The following SLC26A7 variants were observed in gnomAD, a reference collection of about 807,000 sequenced individuals.
SLC26A7 encodes the protein anion exchange transporter.
Under a neutral mutation model 82.5 loss-of-function variants are expected in SLC26A7, and 59 were observed. That is an observed-to-expected ratio of 0.72 (90% confidence interval 0.58 to 0.89). SLC26A7 has a LOEUF of 0.89. Among genes scored for constraint, SLC26A7 ranks in the 40% least tolerant of loss-of-function variants. SLC26A7 has a pLI of 0.00. For synonymous variants in SLC26A7, 271 were observed against 274.3 expected (o/e 0.99, Z 0.12); for missense variants, 820 against 793.0 (o/e 1.03, Z -0.41).
At chr8:91,239,402 ATATATATATG>A (rs58999900) in intron 2 of SLC26A7, among the ~76,000 whole-genome samples, 2,421 of 103,334 alleles carry the variant, frequency 0.023, 118 homozygotes, top group East Asian at 0.2. Context: ...AAAAATATAT[ATATATATATG>A]TATATGTATA....
At chr8:91,272,173 AG>A (rs1231892478) in intron 2 of SLC26A7, among the ~76,000 whole-genome samples, 1 of 152,164 alleles carries the variant, frequency 6.6e-6, no homozygotes, top group Non-Finnish European at 1.5e-5. Flanking sequence ...CCTGATAGTC[AG>A]GACCTTCCTT....
chr8:91,289,282 C>A, intron 3 of SLC26A7, 36 bp downstream of exon 3: 1 of 1,485,710 alleles, frequency 6.7e-7, no homozygotes, highest in South Asian at 1.1e-5. Flanking sequence ...TAATGTTACT[C>A]GCAAAAAAGA....
At chr8:91,363,627 A>G in intron 13 of SLC26A7, 89 bp downstream of exon 13, 1 of 711,470 alleles carries the variant, frequency 1.4e-6, no homozygotes, top group Non-Finnish European at 2.2e-6. Context: ...TAGATAAATT[A>G]TGATAGTTAA....
At chr8:91,276,641 G>A (rs1347620599) in intron 2 of SLC26A7, among the ~76,000 whole-genome samples, 1 of 152,196 alleles carries the variant, frequency 6.6e-6, no homozygotes, top group Non-Finnish European at 1.5e-5. Context: ...ATGGGGGTTA[G>A]AAGCTATGTT....
Position 91,362,402 on chromosome 8 carries a change from T to C in SLC26A7, c.1364T>C (p.Val455Ala). Reference sequence around the variant, plus strand: ...TTTACAATATGCTTTGCTGCCAATGTGGGACTGCTGTTTGGTGTTGTTTGT... The same window carrying C: ...TTTACAATATGCTTTGCTGCCAATGCGGGACTGCTGTTTGGTGTTGTTTGT... ...YVFTICFAAN[V>A]GLLFGVVCTI... The change falls in exon 12 of 19, where the codon GTG (valine) becomes GCG (alanine). Residue 455 changes from valine (V) to alanine (A), a missense_variant. Coordinates refer to ENST00000276609, the MANE Select transcript of SLC26A7 (RefSeq NM_052832.4). 1 of 1,613,450 alleles carries C rather than the reference T, an allele frequency of 6.2e-7. No individual in the cohort carries two copies. Among genetic ancestry groups the C allele is most frequent in the African/African-American group, 1.3e-5 (1 of 75,032 alleles).
intron 2 of SLC26A7, among the ~76,000 whole-genome samples, chr8:91,261,202 A>G (rs1056528933): frequency 3.3e-5 from 5 of 152,102 alleles, no homozygotes; most frequent in Non-Finnish European, 7.4e-5. Flanking sequence ...TTCTTTATTC[A>G]TTTCTATTCA....
chr8:91,270,938 T>C (rs1285198947), intron 2 of SLC26A7, among the ~76,000 whole-genome samples: 1 of 152,184 alleles, frequency 6.6e-6, no homozygotes, highest in Non-Finnish European at 1.5e-5. Context: ...AGCACCACTG[T>C]CTGCAAGTAC....
At chr8:91,306,527 C>T (rs1812313388) in intron 4 of SLC26A7, among the ~76,000 whole-genome samples, 1 of 152,068 alleles carries the variant, frequency 6.6e-6, no homozygotes, top group Admixed American at 6.6e-5. Flanking sequence ...CTTTTAATAA[C>T]TTTCACTTTA....
intron 2 of SLC26A7, among the ~76,000 whole-genome samples, chr8:91,279,850 G>C: frequency 6.6e-6 from 1 of 152,266 alleles, no homozygotes; most frequent in Middle Eastern, 3.4e-3. Context: ...GAGCCACCGC[G>C]CCCAGCCGTG....
intron 10 of SLC26A7, among the ~76,000 whole-genome samples, chr8:91,352,321 T>C (rs1276914107): frequency 3.3e-5 from 5 of 152,148 alleles, no homozygotes; most frequent in Non-Finnish European, 5.9e-5. Context: ...GTGCTTCACC[T>C]TCTTCTTCAT....
intron 15 of SLC26A7, among the ~76,000 whole-genome samples, chr8:91,374,147 C>A (rs1021356158): frequency 2.0e-5 from 3 of 151,528 alleles, no homozygotes; most frequent in Admixed American, 6.6e-5. Flanking sequence ...AGCTAATAGT[C>A]TATTAATTTT....
chr8:91,211,288 T>C (rs901663166), intron 1 of SLC26A7, among the ~76,000 whole-genome samples: 2 of 152,046 alleles, frequency 1.3e-5, no homozygotes, highest in Non-Finnish European at 2.9e-5. Flanking sequence ...AAGTATATGA[T>C]AGTAAAAAAG....
intron 15 of SLC26A7, among the ~76,000 whole-genome samples, chr8:91,384,915 C>T (rs1477907888): frequency 6.6e-6 from 1 of 152,016 alleles, no homozygotes; most frequent in East Asian, 1.9e-4. Context: ...ATCTGCTTTT[C>T]AATAGTTAAT....
At position 91,318,326 on chromosome 8, in the gene SLC26A7, A is replaced by G; in HGVS notation, c.588A>G (p.Lys196=). Residue 196 remains lysine (K), a synonymous_variant, in exon 5 of 19, where the codon AAA becomes AAG. Coordinates refer to ENST00000276609, the MANE Select transcript of SLC26A7 (RefSeq NM_052832.4). ...CCCATGTGGTGACTTCACAAGTCAA[A>G]TATCTCTTGGGAATGAAAATGCCAT... The part of the protein sequence containing the change: ...AATHVVTSQV[K]YLLGMKMPYI... 1 of 1,612,456 alleles carries G rather than the reference A, an allele frequency of 6.2e-7. No individual in the cohort carries two copies. Among genetic ancestry groups the G allele is most frequent in the Non-Finnish European group, 8.5e-7 (1 of 1,179,166 alleles).
Position 91,218,441 on chromosome 8 carries a change from A to G in SLC26A7, c.-149-449A>G, listed in dbSNP as rs113212622. Among the ~76,000 whole-genome samples the G allele has an allele frequency of 4.2e-3, 635 of 152,268 alleles. 2 individuals carry two copies. Among genetic ancestry groups the G allele is most frequent in the African/African-American group, 0.014 (597 of 41,548 alleles). Reference sequence around the variant, plus strand: ...GTGAAGATCTTAATGAATAGTACAGACAGTGAACAAAGAATTTTAGGAAGA... The same window carrying G: ...GTGAAGATCTTAATGAATAGTACAGGCAGTGAACAAAGAATTTTAGGAAGA... On this transcript the variant is annotated intron_variant, in intron 1 of 5. Transcript: ENST00000522862.
At chr8:91,255,955 T>C (rs534842579) in intron 2 of SLC26A7, among the ~76,000 whole-genome samples, 3 of 152,276 alleles carry the variant, frequency 2.0e-5, no homozygotes, top group African/African-American at 2.4e-5. Context: ...GAACCATCCC[T>C]GCTCTTTTCA....
chr8:91,359,429 A>T (rs1813983131), intron 11 of SLC26A7, among the ~76,000 whole-genome samples: 2 of 152,290 alleles, frequency 1.3e-5, no homozygotes, highest in South Asian at 4.1e-4. Context: ...TTGCATTTGG[A>T]CATGTTAAGT....
At chr8:91,324,805 A>T (rs1812890793) in intron 5 of SLC26A7, among the ~76,000 whole-genome samples, 1 of 152,174 alleles carries the variant, frequency 6.6e-6, no homozygotes, top group Admixed American at 6.5e-5. Flanking sequence ...CTTAGATAAG[A>T]TGGCCTGGGA....
At chr8:91,230,534 A>C (rs4431560) in intron 2 of SLC26A7, among the ~76,000 whole-genome samples, 69,610 of 152,074 alleles carry the variant, frequency 0.46, 18,461 homozygotes, top group South Asian at 0.67. Flanking sequence ...TTTTGGTCCT[A>C]TTCCTGTATT....
Sources: allele counts gnomAD v4.1 joint callset (sites outside exome capture counted in the v4.1 genomes callset), GRCh38; gene constraint gnomAD v4.1.1; transcripts MANE v1.5; gene names NCBI Gene and HGNC (gene_info 2026-07-23, HGNC 2026-07-21).